The following DCC variants were observed in gnomAD, a reference collection of about 807,000 sequenced individuals.
DCC encodes DCC netrin 1 receptor, also known as netrin receptor DCC.
A neutral mutation model predicts 172.5 loss-of-function variants in DCC; 58 were observed. That is an observed-to-expected ratio of 0.34 (90% confidence interval 0.27 to 0.42). The LOEUF (loss-of-function observed/expected upper bound fraction) is 0.42, where lower values mean the gene tolerates loss of function less well. Ranked by LOEUF, DCC falls within the 10% of genes least tolerant of loss-of-function variation. The pLI is 1.00. For synonymous variants in DCC, 709 were observed against 644.5 expected, an observed-to-expected ratio of 1.10 and a Z score of -1.52; for missense variants, 1,740 against 1,791.0, an observed-to-expected ratio of 0.97 and a Z score of 0.51.
At chr18:53,054,824 G>A (rs1197304473) in intron 5 of DCC, among the ~76,000 whole-genome samples, 2 of 152,078 alleles carry the variant, frequency 1.3e-5, no homozygotes, top group African/African-American at 2.4e-5. Context: ...TTGTGCTCAC[G>A]AGAAGTATAC....
intron 1 of DCC, among the ~76,000 whole-genome samples, chr18:52,656,080 A>G (rs1021332980): frequency 1.9e-4 from 27 of 143,542 alleles, no homozygotes; most frequent in African/African-American, 5.4e-4. Flanking sequence ...GTGTATATAT[A>G]TGTGTGTGTG....
At chr18:53,134,749 T>C (rs116275377) in intron 7 of DCC, among the ~76,000 whole-genome samples, 329 of 152,304 alleles carry the variant, frequency 2.2e-3, no homozygotes, top group African/African-American at 7.5e-3. Context: ...ATTTTGTCCA[T>C]TCACTTGTAC....
At chr18:52,648,858 A>G (rs561009354) in intron 1 of DCC, among the ~76,000 whole-genome samples, 10 of 152,250 alleles carry the variant, frequency 6.6e-5, no homozygotes, top group South Asian at 2.1e-4. Context: ...TTATCATGCA[A>G]TTTTGCCAGC....
At chr18:52,888,557 TA>T (rs573641398) in intron 2 of DCC, among the ~76,000 whole-genome samples, 2 of 152,210 alleles carry the variant, frequency 1.3e-5, no homozygotes, top group African/African-American at 4.8e-5. Flanking sequence ...TCTGATTACT[TA>T]AAAAAAGTAC....
At chr18:52,753,886 A>C (rs2037036695) in intron 2 of DCC, among the ~76,000 whole-genome samples, 1 of 152,178 alleles carries the variant, frequency 6.6e-6, no homozygotes, top group Admixed American at 6.5e-5. Flanking sequence ...TAAAGATTTG[A>C]CCAAAACCTG....
intron 1 of DCC, among the ~76,000 whole-genome samples, chr18:52,700,150 ACACACACACATGCACACG>A (rs1280582060): frequency 1.3e-3 from 202 of 151,802 alleles, no homozygotes; most frequent in African/African-American, 4.2e-3. Context: ...CTTGCCCCAC[ACACACACACATGCACACG>A]CACACACACA....
chr18:53,024,371 C>T (rs2041926912), intron 5 of DCC, among the ~76,000 whole-genome samples: 1 of 152,090 alleles, frequency 6.6e-6, no homozygotes, highest in Admixed American at 6.6e-5. Flanking sequence ...TGTTTGCCTC[C>T]CTTGCAATCT....
chr18:52,890,322 A>G (rs1337121745), intron 2 of DCC, among the ~76,000 whole-genome samples: 1 of 152,118 alleles, frequency 6.6e-6, no homozygotes, highest in Admixed American at 6.6e-5. Context: ...AGGGAGGCAT[A>G]GCTGGTGAGG....
intron 1 of DCC, among the ~76,000 whole-genome samples, chr18:52,485,813 GA>G (rs2030189971): frequency 6.6e-6 from 1 of 151,760 alleles, no homozygotes; most frequent in Non-Finnish European, 1.5e-5. Flanking sequence ...TAAATTCAAA[GA>G]ATAATTCAAC....
chr18:52,384,957 G>A (rs1985732881), intron 1 of DCC, among the ~76,000 whole-genome samples: 1 of 152,012 alleles, frequency 6.6e-6, no homozygotes, highest in Non-Finnish European at 1.5e-5. Context: ...CTTAATTAAT[G>A]GGTTCTTCAA....
chr18:53,112,957 C>G (rs1188278883), intron 7 of DCC, among the ~76,000 whole-genome samples: 1 of 151,170 alleles, frequency 6.6e-6, no homozygotes, highest in Non-Finnish European at 1.5e-5. Flanking sequence ...TTTGAAAATT[C>G]CCTAAAAACA....
chr18:52,842,607 T>C (rs114634775), intron 2 of DCC, among the ~76,000 whole-genome samples: 4,071 of 152,296 alleles, frequency 0.027, 162 homozygotes, highest in African/African-American at 0.09. Flanking sequence ...CAAGTTTGTG[T>C]GCATCACATG....
Position 53,242,432 on chromosome 18 carries a change from G to A in DCC, c.1911+26835G>A, listed in dbSNP as rs147640472. ...TCTGAAACATAGTATTTGTTCAATC[G>A]ATATCTGCTCCATTTTCCCAAGTAA... On this transcript the variant is annotated intron_variant, in intron 12 of 28. Coordinates refer to ENST00000442544, the MANE Select transcript of DCC (RefSeq NM_005215.4). 3.1e-3 allele frequency among the ~76,000 whole-genome samples: 476 copies of A among 152,116 alleles called. 2 individuals are homozygous for A. The highest frequency in any genetic ancestry group is 0.011 in the African/African-American group (444 of 41,484).
intron 2 of DCC, among the ~76,000 whole-genome samples, chr18:52,785,969 T>A (rs1170903058): frequency 6.6e-6 from 1 of 152,036 alleles, no homozygotes; most frequent in Non-Finnish European, 1.5e-5. Context: ...GCTATAAGGA[T>A]AATAATTAAG....
intron 1 of DCC, among the ~76,000 whole-genome samples, chr18:52,543,962 A>G (rs1324476250): frequency 1.3e-5 from 2 of 152,232 alleles, no homozygotes; most frequent in African/African-American, 4.8e-5. Context: ...GATAAATGCT[A>G]TGAAACGCTT....
rs1391344754 is a variant in DCC, at chr18:53,397,662, A to G, written c.2827+216A>G. 2.6e-5 allele frequency among the ~76,000 whole-genome samples: 4 copies of G among 152,200 alleles called. No individual in the cohort carries two copies. In the East Asian group the frequency reaches 7.7e-4, roughly 29 times the overall value. On this transcript the variant is annotated intron_variant, in intron 18 of 28. Transcript: ENST00000442544. ...ATGGCTTAAGTAATCTGCTTTCATG[A>G]TTAATACACGGTTTCTTCAGGGTGT...
intron 3 of DCC, among the ~76,000 whole-genome samples, chr18:52,912,280 C>G (rs1334229854): frequency 6.6e-6 from 1 of 151,852 alleles, no homozygotes; most frequent in Non-Finnish European, 1.5e-5. Flanking sequence ...AAGACAAGCA[C>G]AATGCCTGTA....
chr18:52,673,670 A>C (rs984907051), intron 1 of DCC, among the ~76,000 whole-genome samples: 1 of 152,122 alleles, frequency 6.6e-6, no homozygotes, highest in Admixed American at 6.5e-5. Flanking sequence ...GCCTTTTTTG[A>C]AACATGGACC....
intron 1 of DCC, among the ~76,000 whole-genome samples, chr18:52,750,378 C>T (rs1260824984): frequency 6.6e-6 from 1 of 152,148 alleles, no homozygotes; most frequent in African/African-American, 2.4e-5. Context: ...CCAAAAGGAT[C>T]TGTGGGGAGA....
Sources: allele counts gnomAD v4.1 joint callset (sites outside exome capture counted in the v4.1 genomes callset), GRCh38; gene constraint gnomAD v4.1.1; transcripts MANE v1.5; gene names NCBI Gene and HGNC (gene_info 2026-07-23, HGNC 2026-07-21).